MPRIP: variants seen among roughly 807,000 people sequenced by gnomAD.
The protein encoded by MPRIP is myosin phosphatase Rho interacting protein.
A neutral mutation model predicts 234.9 loss-of-function variants in MPRIP; 59 were observed. That is an observed-to-expected ratio of 0.25 (90% confidence interval 0.20 to 0.31). The LOEUF (loss-of-function observed/expected upper bound fraction) is 0.31. Ranked by LOEUF, MPRIP falls within the 10% of genes least tolerant of loss-of-function variation. MPRIP has a pLI of 1.00. For missense variants in MPRIP, 2,436 were observed against 3,071.0 expected, an observed-to-expected ratio of 0.79 and a Z score of 4.89; for synonymous variants, 1,144 against 1,263.9, an observed-to-expected ratio of 0.91 and a Z score of 2.01.
At chr17:17,111,683 G>T (rs1430447793) in intron 3 of MPRIP, among the ~76,000 whole-genome samples, 1 of 152,174 alleles carries the variant, frequency 6.6e-6, no homozygotes, top group Non-Finnish European at 1.5e-5. Flanking sequence ...CTGTTAAACC[G>T]AGGCAGCAGG....
chr17:17,180,600 C>CT (rs2046352933), intron 23 of MPRIP: 1 of 1,613,162 alleles, frequency 6.2e-7, no homozygotes, highest in South Asian at 1.1e-5. Context: ...GCTCTCTCCT[C>CT]TGACAGTCCG....
At chr17:17,085,692 T>A (rs2144108077) in intron 3 of MPRIP, among the ~76,000 whole-genome samples, 1 of 152,276 alleles carries the variant, frequency 6.6e-6, no homozygotes, top group Non-Finnish European at 1.5e-5. Context: ...GGCGAGCAGA[T>A]CACGAGGTCA....
rs117134450 is a variant in MPRIP, at chr17:17,136,017, T to A, written c.505-202T>A. Among the ~76,000 whole-genome samples, 491 of 152,346 alleles carry A rather than the reference T, an allele frequency of 3.2e-3. 2 individuals carry two copies. Among genetic ancestry groups the A allele is most frequent in the Middle Eastern group, 6.8e-3 (2 of 294 alleles). ...CTTACTCTGTTCTGTCTCACCTTAT[T>A]TGAGTCTTGGATGTCTAGGAATGAC... On this transcript the variant is annotated intron_variant, in intron 5 of 23. Transcript: ENST00000651222.
intron 3 of MPRIP, among the ~76,000 whole-genome samples, chr17:17,113,973 A>G (rs2090229217): frequency 6.8e-6 from 1 of 147,990 alleles, no homozygotes; most frequent in Non-Finnish European, 1.5e-5. Flanking sequence ...GCTCACTGCA[A>G]CCTCGAACTC....
intron 12 of MPRIP, among the ~76,000 whole-genome samples, chr17:17,153,466 C>T (rs571380464): frequency 2.6e-5 from 4 of 152,024 alleles, no homozygotes; most frequent in Admixed American, 2.6e-4. Flanking sequence ...CTGCCTGGTA[C>T]CCAGGCAGGT....
intron 3 of MPRIP, among the ~76,000 whole-genome samples, chr17:17,098,707 C>T (rs2089900830): frequency 1.3e-5 from 2 of 152,152 alleles, no homozygotes; most frequent in South Asian, 4.1e-4. Flanking sequence ...AAGAAGCTGG[C>T]TCCCAGGGCT....
chr17:17,077,491 A>G (rs1181119139), intron 2 of MPRIP: 2 of 155,900 alleles, frequency 1.3e-5, no homozygotes, highest in African/African-American at 4.8e-5. Flanking sequence ...ATTTCACCTC[A>G]GTGAATTCTG....
chr17:17,182,534 CA>C (rs1157382586), intron 23 of MPRIP: 6 of 152,308 alleles, frequency 3.9e-5, no homozygotes, highest in African/African-American at 1.4e-4. Context: ...GCTGAGCAGC[CA>C]CCGGGAGAGA....
At chr17:17,154,558 T>C (rs1010085770) in intron 13 of MPRIP, 143 bp downstream of exon 13, 1 of 668,440 alleles carries the variant, frequency 1.5e-6, no homozygotes, top group Non-Finnish European at 2.7e-6. Flanking sequence ...TGTGTCCTTC[T>C]GTTGCTCAGG....
Position 17,191,680 on chromosome 17 carries a change from G to C in MPRIP, c.*6786G>C, listed in dbSNP as rs543360989. The C allele has an allele frequency of 3.3e-5, 5 of 151,868 alleles. No individual in the cohort carries two copies. Among genetic ancestry groups the C allele is most frequent in the African/African-American group, 1.2e-4 (5 of 41,544 alleles). 9.4% of individuals were successfully genotyped at this position (151,868 alleles called of 1,614,324 possible). A position where few individuals can be genotyped will look rare whatever the true frequency, so the allele number is the denominator to read the frequency against. ...TTTCGGAGGCGCAGCCACACACACA[G>C]CGCTGGCAGCCTCACGGTCACGCCC... On this transcript the variant is annotated 3_prime_UTR_variant, in exon 24 of 24. Transcript: ENST00000651222.
chr17:17,109,275 G>A (rs537088777), intron 3 of MPRIP, among the ~76,000 whole-genome samples: 72 of 152,356 alleles, frequency 4.7e-4, no homozygotes, highest in Middle Eastern at 3.4e-3. Flanking sequence ...GTAAAAGGGA[G>A]TGTGCACTTT....
intron 3 of MPRIP, among the ~76,000 whole-genome samples, chr17:17,098,870 G>T (rs921181984): frequency 2.0e-5 from 3 of 152,114 alleles, no homozygotes; most frequent in Non-Finnish European, 4.4e-5. Context: ...CCCAGCATTG[G>T]ATGCCTGCCT....
chr17:17,113,177 C>G (rs769999625), intron 3 of MPRIP, among the ~76,000 whole-genome samples: 4 of 152,234 alleles, frequency 2.6e-5, no homozygotes, highest in Non-Finnish European at 5.9e-5. Context: ...CCTGCCTGCC[C>G]TCCCCAGCTG....
In MPRIP at chr17:17,187,973, T is replaced by C. The variant is rs956141892; in HGVS notation, c.*3079T>C. ...TATGCTAGCACCAGCCAGTAAGCTGTGCCACACATATGAATGGGAAAGCGA... is the reference window on the plus strand; with the variant it reads ...TATGCTAGCACCAGCCAGTAAGCTGCGCCACACATATGAATGGGAAAGCGA... On this transcript the variant is annotated 3_prime_UTR_variant, in exon 24 of 24. Transcript: ENST00000651222. 1 of 152,272 alleles carries C rather than the reference T, an allele frequency of 6.6e-6. No homozygotes were observed. Among genetic ancestry groups the C allele is most frequent in the Non-Finnish European group, 1.5e-5 (1 of 68,052 alleles). The allele number at this position is 152,272 out of a possible 1,614,324, so 9.4% of individuals were successfully genotyped here. A position where few individuals can be genotyped will look rare whatever the true frequency, so the allele number is the denominator to read the frequency against.
intron 8 of MPRIP, 67 bp from the exon 9 acceptor site, chr17:17,143,489 C>G (rs2045376504): frequency 9.3e-7 from 1 of 1,071,910 alleles, no homozygotes; most frequent in East Asian, 2.9e-5. Flanking sequence ...GTGGACAGCA[C>G]CAGCTCGTCC....
chr17:17,112,729 G>A (rs1219106521), intron 3 of MPRIP, among the ~76,000 whole-genome samples: 2 of 152,248 alleles, frequency 1.3e-5, no homozygotes, highest in African/African-American at 4.8e-5. Context: ...GCTGCAACTG[G>A]GCTGTGGGTT....
chr17:17,046,380 G>A (rs1320023040), intron 1 of MPRIP, among the ~76,000 whole-genome samples: 2 of 152,140 alleles, frequency 1.3e-5, no homozygotes, highest in Admixed American at 6.5e-5. Flanking sequence ...GTGTGTGTGC[G>A]TGCATGCATG....
At chr17:17,055,923 A>G (rs2088681496) in intron 1 of MPRIP, among the ~76,000 whole-genome samples, 1 of 152,228 alleles carries the variant, frequency 6.6e-6, no homozygotes, top group African/African-American at 2.4e-5. Flanking sequence ...CAGTCTCAGA[A>G]GGCGGAGTTA....
At chr17:17,180,226 C>T (rs1054585127) in intron 23 of MPRIP, 138 bp downstream of exon 23, 9 of 725,406 alleles carry the variant, frequency 1.2e-5, no homozygotes, top group African/African-American at 9.0e-5. Context: ...CCCGAGCTCA[C>T]CCTGCTGGGC....
Sources: gnomAD v4.1 joint callset for allele counts (sites outside exome capture counted in the v4.1 genomes callset) on GRCh38, gnomAD v4.1.1 for gene constraint, MANE v1.5 for transcripts, NCBI Gene and HGNC (gene_info 2026-07-23, HGNC 2026-07-21) for gene names.